Variants in NMNAT1 observed in about 807,000 individuals in gnomAD.
The protein encoded by NMNAT1 is nicotinamide nucleotide adenylyltransferase 1.
Under a neutral mutation model 16.7 loss-of-function variants are expected in NMNAT1, and 11 were observed. The ratio of observed to expected loss-of-function variants is 0.66; its 90% CI spans 0.41 to 1.09. NMNAT1 has a LOEUF of 1.09. NMNAT1 is among the 50% of genes least tolerant of loss of function. The probability of loss-of-function intolerance (pLI) is 0.00; values close to 1 mark genes in which losing one functional copy is unlikely to be tolerated. For missense variants in NMNAT1, 280 were observed against 332.3 expected (o/e 0.84, Z 1.22); for synonymous variants, 110 against 119.8 (o/e 0.92, Z 0.53).
At position 9,957,580 on chromosome 1, in the gene NMNAT1, C is replaced by T. The variant is rs749777077; in HGVS notation, c.-57+14065C>T. Among the ~76,000 whole-genome samples the T allele has an allele frequency of 5.9e-5, 9 of 152,162 alleles. No homozygotes were observed. In the East Asian group the frequency reaches 1.2e-3, roughly 20 times the overall value. ...TGCTGGGATTACAGGTGTGAGCCACCGTGCCCAGCCCTTATTTACCAGTTT... is the reference window on the plus strand; with the variant it reads ...TGCTGGGATTACAGGTGTGAGCCACTGTGCCCAGCCCTTATTTACCAGTTT... On this transcript the variant is annotated intron_variant, in intron 1 of 4. Transcript: ENST00000377205.
chr1:9,996,732 G>A, the NMNAT1 span, among the ~76,000 whole-genome samples: 1 of 152,118 alleles, frequency 6.6e-6, no homozygotes, highest in East Asian at 1.9e-4. Context: ...TGACCAGGAG[G>A]TAACAAGCAG....
At chr1:9,957,951 G>A (rs1389363738) in intron 1 of NMNAT1, among the ~76,000 whole-genome samples, 8 of 152,136 alleles carry the variant, frequency 5.3e-5, no homozygotes, top group Admixed American at 2.6e-4. Context: ...CGTTGGGACT[G>A]GTCTCCAGGG....
At chr1:9,989,750 A>G (rs1642087692), downstream of NMNAT1, among the ~76,000 whole-genome samples, 2 of 152,164 alleles carry the variant, frequency 1.3e-5, no homozygotes, top group Admixed American at 1.3e-4. Context: ...ACTGGACAAG[A>G]ACTTGGGTAC....
rs61740429 is a variant in NMNAT1, at chr1:9,972,096, A to C, written c.23A>C (p.Glu8Ala). 1.9e-4 allele frequency: 299 copies of C among 1,609,088 alleles called. 1 individual carries two copies. The African/African-American group carries it at 3.4e-3, about 18-fold the overall frequency. The change falls in exon 2 of 5, where the codon GAA becomes GCA. Residue 8 changes from glutamate (E) to alanine (A), a missense_variant. Transcript: ENST00000377205. ...ACCATGGAAAATTCCGAGAAGACTG[A>C]AGTGGTTCTCCTTGCTTGTGGTTCA... Reference protein sequence around the residue: MENSEKTEVVLLACGSFN... With the variant: MENSEKTAVVLLACGSFN...
At chr1:9,995,799 C>T in the NMNAT1 span, among the ~76,000 whole-genome samples, 1 of 152,196 alleles carries the variant, frequency 6.6e-6, no homozygotes, top group Non-Finnish European at 1.5e-5. Context: ...GAGGCTGAGG[C>T]AGGCGAATCA....
chr1:9,980,972 A>C, intron 3 of NMNAT1, 59 bp from the exon 4 acceptor site: 2 of 1,544,896 alleles, frequency 1.3e-6, no homozygotes, highest in South Asian at 2.4e-5. Flanking sequence ...AATGTTAATG[A>C]TATATTCTAA....
Position 9,982,658 on chromosome 1 carries a change from T to C in NMNAT1, c.797T>C (p.Ile266Thr). 6.2e-7 allele frequency: 1 copy of C among 1,613,672 alleles called. No homozygotes were observed. Among genetic ancestry groups the C allele is most frequent in the Non-Finnish European group, 8.5e-7 (1 of 1,179,776 alleles). ...SESEDRNAGV[I>T]LAPLQRNTAE... ...AGTGAAGACAGGAATGCTGGGGTCATCCTGGCCCCTTTGCAGAGAAACACT... is the reference window on the plus strand; with the variant it reads ...AGTGAAGACAGGAATGCTGGGGTCACCCTGGCCCCTTTGCAGAGAAACACT... Residue 266 changes from isoleucine to threonine, a missense_variant, in exon 5 of 5, where the codon ATC (isoleucine) becomes ACC (threonine). Physicochemically the swap from Ile to Thr is moderately conservative, Grantham distance 89 (BLOSUM62 -1). Transcript: ENST00000377205.
intron 1 of NMNAT1, among the ~76,000 whole-genome samples, chr1:9,946,173 C>T (rs967933878): frequency 2.6e-5 from 4 of 152,142 alleles, no homozygotes; most frequent in Non-Finnish European, 4.4e-5. Context: ...CTTAGTCATT[C>T]AGCAGTTCTA....
At chr1:9,956,326 C>T (rs1641258880) in intron 1 of NMNAT1, among the ~76,000 whole-genome samples, 1 of 151,798 alleles carries the variant, frequency 6.6e-6, no homozygotes, top group Non-Finnish European at 1.5e-5. Flanking sequence ...CGTGCCACCA[C>T]ACCCGGCTAG....
chr1:9,968,325 G>A (rs962950972), intron 1 of NMNAT1, among the ~76,000 whole-genome samples: 2 of 151,330 alleles, frequency 1.3e-5, no homozygotes, highest in Non-Finnish European at 2.9e-5. Context: ...GCCCATCTTG[G>A]CCTCCCAAAG....
rs1642027144 is a variant in NMNAT1 at position 9,985,043 on chromosome 1, A to T, written c.*2342A>T. 6.6e-6 allele frequency: 1 copy of T among 152,156 alleles called. No homozygotes were observed. Among genetic ancestry groups the T allele is most frequent in the Non-Finnish European group, 1.5e-5 (1 of 68,026 alleles). The allele number at this position is 152,156 out of a possible 1,614,324, so 9.4% of individuals were successfully genotyped here. ...CTTTTCACTTTTCTAGAAGTCCAGAAGTTGTTATATGATGAAATAGCCTCC... is the reference window on the plus strand; with the variant it reads ...CTTTTCACTTTTCTAGAAGTCCAGATGTTGTTATATGATGAAATAGCCTCC... On this transcript the variant is annotated 3_prime_UTR_variant, in exon 5 of 5. Transcript: ENST00000377205.
rs781550150 is a variant in NMNAT1, at chr1:9,984,697, G to A, written c.*1996G>A. 4 of 152,140 alleles carry A rather than the reference G, an allele frequency of 2.6e-5. No homozygotes were observed. Among genetic ancestry groups the A allele is most frequent in the Non-Finnish European group, 4.4e-5 (3 of 68,020 alleles). 9.4% of individuals were successfully genotyped at this position (152,140 alleles called of 1,614,324 possible). On this transcript the variant is annotated 3_prime_UTR_variant, in exon 5 of 5. Transcript: ENST00000377205. The stretch of plus-strand genomic sequence containing the variant: ...TTGTTTGATGCTGGGGGTTTTATGT[G>A]TTGTACCCTTTACCCCTTACATTGT...
intron 3 of NMNAT1, among the ~76,000 whole-genome samples, chr1:9,977,475 GTGAC>G (rs780255439): frequency 2.0e-5 from 3 of 152,102 alleles, no homozygotes; most frequent in Non-Finnish European, 4.4e-5. Context: ...GAACTTTCCA[GTGAC>G]TGACTGTATC....
chr1:9,994,465 G>A, the NMNAT1 span, among the ~76,000 whole-genome samples: 7 of 146,402 alleles, frequency 4.8e-5, no homozygotes, highest in South Asian at 4.4e-4. Context: ...AGTTTGGCTC[G>A]TGTTGCCCAG....
At chr1:9,977,985 A>G (rs1199148566) in intron 3 of NMNAT1, among the ~76,000 whole-genome samples, 1 of 152,194 alleles carries the variant, frequency 6.6e-6, no homozygotes, top group African/African-American at 2.4e-5. Flanking sequence ...AGTCTCCTGA[A>G]GTTGGTGACG....
At chr1:9,970,222 G>T (rs1641656344) in intron 1 of NMNAT1, among the ~76,000 whole-genome samples, 1 of 151,962 alleles carries the variant, frequency 6.6e-6, no homozygotes, top group South Asian at 2.1e-4. Context: ...ATTAAGAAAT[G>T]GCATTATAAG....
At chr1:9,952,379 C>G (rs1383839954) in intron 1 of NMNAT1, 1 of 152,102 alleles carries the variant, frequency 6.6e-6, no homozygotes, top group Non-Finnish European at 1.5e-5. Flanking sequence ...AGTGCAGACT[C>G]CTTAACTGAA....
In NMNAT1 at chr1:9,981,334, A is replaced by G. The variant is rs1289079265; in HGVS notation, c.439+164A>G. 7 of 1,136,820 alleles carry G rather than the reference A, an allele frequency of 6.2e-6. No individual in the cohort carries two copies. In the East Asian group the frequency reaches 1.9e-4, roughly 31 times the overall value. 70.4% of individuals were successfully genotyped at this position (1,136,820 alleles called of 1,614,324 possible). A position where few individuals can be genotyped will look rare whatever the true frequency, so the allele number is the denominator to read the frequency against. Reference sequence around the variant, plus strand: ...ACTGCAAGCTCTGCCTCCTGGGTTCATGCCATTCTCCTGCCTCAGCCTCCT... The same window carrying G: ...ACTGCAAGCTCTGCCTCCTGGGTTCGTGCCATTCTCCTGCCTCAGCCTCCT... On this transcript the variant is annotated intron_variant, in intron 4 of 4. Transcript: ENST00000377205.
intron 1 of NMNAT1, chr1:9,960,648 C>T (rs1641381502): frequency 6.6e-6 from 1 of 152,092 alleles, no homozygotes; most frequent in South Asian, 2.1e-4. Context: ...AAATTTTAAG[C>T]CTCAAGACTG....
Sources: allele counts gnomAD v4.1 joint callset (sites outside exome capture counted in the v4.1 genomes callset), GRCh38; gene constraint gnomAD v4.1.1; transcripts MANE v1.5; gene names NCBI Gene and HGNC (gene_info 2026-07-23, HGNC 2026-07-21).